Variants in CLPTM1L observed in about 807,000 individuals in gnomAD.
The protein encoded by CLPTM1L is CLPTM1 like, also known as lipid scramblase CLPTM1L.
In CLPTM1L, 38 loss-of-function variants were observed where a neutral mutation model predicts 70.9. The ratio of observed to expected loss-of-function variants is 0.54; its 90% CI spans 0.41 to 0.70. The LOEUF (loss-of-function observed/expected upper bound fraction) is 0.70. CLPTM1L is among the 30% of genes least tolerant of loss of function. The pLI is 0.00. For synonymous variants in CLPTM1L, 339 were observed against 299.9 expected (o/e 1.13, Z -1.35); for missense variants, 652 against 705.9 (o/e 0.92, Z 0.87).
intron 2 of CLPTM1L, 107 bp downstream of exon 2, chr5:1,344,244 G>A: frequency 1.3e-6 from 1 of 779,368 alleles, no homozygotes; most frequent in South Asian, 1.5e-5. Context: ...CATTCGGTAA[G>A]ACTAGTTCTC....
chr5:1,331,357 A>C lies in CLPTM1L; in HGVS notation c.976+442T>G, dbSNP rs556600845. On this transcript the variant is annotated intron_variant, in intron 8 of 16. Transcript: ENST00000320895. ...CACCACGGGCCTATTAACTGCCATC[A>C]CCTGGCAGGCCCCACACGCCCAGGC... 2.7e-5 allele frequency: 5 copies of C among 184,132 alleles called. No individual in the cohort carries two copies. The East Asian group carries it at 5.3e-4, about 20-fold the overall frequency. 11.4% of individuals were successfully genotyped at this position (184,132 alleles called of 1,614,324 possible). A position where few individuals can be genotyped will look rare whatever the true frequency, so the allele number is the denominator to read the frequency against.
intron 1 of CLPTM1L, 50 bp downstream of exon 1, chr5:1,344,630 G>T: frequency 6.5e-7 from 1 of 1,527,942 alleles, no homozygotes; most frequent in Non-Finnish European, 8.8e-7. Flanking sequence ...GGGCCTGGAG[G>T]AGAGGCCCCC....
At chr5:1,326,173 C>G (rs1167054936) in intron 9 of CLPTM1L, 1 of 300,998 alleles carries the variant, frequency 3.3e-6, no homozygotes, top group Non-Finnish European at 6.2e-6. Flanking sequence ...GCTCTGAGAG[C>G]CGCCACCTCA....
At chr5:1,343,072 T>C (rs942499433) in intron 2 of CLPTM1L, among the ~76,000 whole-genome samples, 1 of 152,110 alleles carries the variant, frequency 6.6e-6, no homozygotes, top group Non-Finnish European at 1.5e-5. Context: ...GTGCCTGTAG[T>C]CTCAGCTACT....
chr5:1,318,596 T>C lies in CLPTM1L; in HGVS notation c.1533-143A>G, dbSNP rs558593947. 3.1e-5 allele frequency: 21 copies of C among 679,478 alleles called. No individual in the cohort carries two copies. In the South Asian group the frequency reaches 3.8e-4, roughly 12 times the overall value. The allele number at this position is 679,478 out of a possible 1,614,324, so 42.1% of individuals were successfully genotyped here. The stretch of plus-strand genomic sequence containing the variant: ...TAAAAAGTCGAATCCTCAGAAGTTT[T>C]ACTGCCGAGGGCTGAGGAGGGATTT... On this transcript the variant is annotated intron_variant, in intron 16 of 16. Transcript: ENST00000320895. This position sits in a 1 kb window ranked among gnomAD's most constrained non-coding sequence, Gnocchi z 8.9.
rs1553974511 is a variant in CLPTM1L at position 1,342,009 on chromosome 5, C to CAT, written c.264-150_264-149insAT. The CAT allele has an allele frequency of 9.9e-6, 5 of 503,128 alleles. No individual in the cohort carries two copies. Among genetic ancestry groups the CAT allele is most frequent in the Admixed American group, 3.5e-5 (1 of 28,642 alleles). The allele number at this position is 503,128 out of a possible 1,614,324, so 31.2% of individuals were successfully genotyped here. ...CCCACCTGCCCAGGGCTTTACGAGT[C>CAT]GTGTGTGTGTGTGTGTGTGTGTGTG... On this transcript the variant is annotated intron_variant, in intron 2 of 16. Transcript: ENST00000320895. The surrounding 1 kb of genome is among the most constrained non-coding windows in gnomAD (Gnocchi z 4.3).
At chr5:1,324,006 G>A (rs414965) in intron 11 of CLPTM1L, 137 bp from the exon 12 acceptor site, 256,671 of 683,080 alleles carry the variant, frequency 0.38, 51,471 homozygotes, top group African/African-American at 0.49. Context: ...TCTGCAGGGG[G>A]CGGCGTGAGG....
intron 5 of CLPTM1L, 122 bp downstream of exon 5, chr5:1,337,782 G>T: frequency 1.2e-6 from 1 of 806,008 alleles, no homozygotes; most frequent in Non-Finnish European, 2.1e-6. Flanking sequence ...TCCCAGCACG[G>T]GTAAAAGCAC....
intron 10 of CLPTM1L, 34 bp from the exon 11 acceptor site, chr5:1,324,847 A>T (rs1339014407): frequency 1.1e-5 from 18 of 1,596,412 alleles, no homozygotes. Context: ...ATATTAATAG[A>T]CTCAGGGAGG....
At chr5:1,319,813 C>A (rs1017766895) in intron 16 of CLPTM1L, among the ~76,000 whole-genome samples, 1 of 152,198 alleles carries the variant, frequency 6.6e-6, no homozygotes, top group African/African-American at 2.4e-5. Context: ...CACACTCCTT[C>A]GACCCCTGGA....
In CLPTM1L at chr5:1,325,774, T is replaced by G. The variant is rs1268854908; in HGVS notation, c.1123A>C (p.Arg375=). The change falls in exon 10 of 17, where the codon AGA becomes CGA. Residue 375 remains arginine, a synonymous_variant. Transcript: ENST00000320895. ...KKALKMTIFW[R]GLMPEFQFGT... is the part of the protein sequence containing the mutation. ...ACCTGAAATTCGGGCATCAGGCCTCTCCAAAAAATAGTCATCTTCAATGCC... is the reference window on the plus strand; with the variant it reads ...ACCTGAAATTCGGGCATCAGGCCTCGCCAAAAAATAGTCATCTTCAATGCC... 1 of 1,613,880 alleles carries G rather than the reference T, an allele frequency of 6.2e-7. No homozygotes were observed. The highest frequency in any genetic ancestry group is 8.5e-7 in the Non-Finnish European group (1 of 1,179,850).
At position 1,344,815 on chromosome 5, in the gene CLPTM1L, G is replaced by A; in HGVS notation, c.27C>T (p.Thr9=). The change falls in exon 1 of 17, where the codon ACC becomes ACT. Residue 9 remains threonine (T), a synonymous_variant. Transcript: ENST00000320895. MWSGRSSF[T]SLVVGVFVVY... ...CCACGAACACGCCCACCACCAAGCTGGTGAAGGAGCTGCGGCCGCTCCACA... is the reference window on the plus strand; with the variant it reads ...CCACGAACACGCCCACCACCAAGCTAGTGAAGGAGCTGCGGCCGCTCCACA... 2 of 1,587,458 alleles carry A rather than the reference G, an allele frequency of 1.3e-6. No homozygotes were observed. Among genetic ancestry groups the A allele is most frequent in the Non-Finnish European group, 8.5e-7 (1 of 1,169,626 alleles).
chr5:1,341,063 G>A (rs968164406), intron 3 of CLPTM1L, among the ~76,000 whole-genome samples: 1 of 152,208 alleles, frequency 6.6e-6, no homozygotes, highest in Non-Finnish European at 1.5e-5. Context: ...ACTGCGCCCG[G>A]CCTTGTTTTG....
At chr5:1,336,094 G>A (rs1753560516) in intron 5 of CLPTM1L, among the ~76,000 whole-genome samples, 1 of 152,232 alleles carries the variant, frequency 6.6e-6, no homozygotes. Context: ...GCGGCTGTCA[G>A]GGCGCCCCAC....
intron 2 of CLPTM1L, 61 bp from the exon 3 acceptor site, chr5:1,341,921 T>C (rs541437676): frequency 7.5e-7 from 1 of 1,337,950 alleles, no homozygotes; most frequent in South Asian, 1.3e-5. Context: ...TAGAACCTAT[T>C]CAAATACCTT....
At position 1,318,786 on chromosome 5, in the gene CLPTM1L, C is replaced by T. The variant is rs868395507; in HGVS notation, c.1533-333G>A. On this transcript the variant is annotated intron_variant, in intron 16 of 16. Transcript: ENST00000320895. The surrounding 1 kb of genome is among the most constrained non-coding windows in gnomAD (Gnocchi z 8.9). The stretch of plus-strand genomic sequence containing the variant: ...TGGGAACGGTGGCATCACGGAGACT[C>T]GAGTGATCAGAACAGGAACCGCTGT... Among the ~76,000 whole-genome samples, 4 of 152,138 alleles carry T rather than the reference C, an allele frequency of 2.6e-5. No individual in the cohort carries two copies. Among genetic ancestry groups the T allele is most frequent in the African/African-American group, 9.7e-5 (4 of 41,422 alleles).
Position 1,342,144 on chromosome 5 carries a change from G to A in CLPTM1L, c.264-284C>T, listed in dbSNP as rs1753992039. On this transcript the variant is annotated intron_variant, in intron 2 of 16. Transcript: ENST00000320895. The surrounding 1 kb of genome is among the most constrained non-coding windows in gnomAD (Gnocchi z 4.3). ...CTGCCTCCATCTCAGGAGGCTGAGA[G>A]GTCAATAACCCACCTGAGGCCACAA... 6.6e-6 allele frequency among the ~76,000 whole-genome samples: 1 copy of A among 152,062 alleles called. No individual in the cohort carries two copies. Among genetic ancestry groups the A allele is most frequent in the Non-Finnish European group, 1.5e-5 (1 of 68,014 alleles).
At chr5:1,325,465 G>A (rs1752465311) in intron 10 of CLPTM1L, 3 of 493,166 alleles carry the variant, frequency 6.1e-6, no homozygotes, top group African/African-American at 1.9e-5. Flanking sequence ...GTGCCAAAAC[G>A]AAGCACACGT....
rs1579662901 is a variant in CLPTM1L, at chr5:1,345,018, T to C, written c.-177A>G. The stretch of plus-strand genomic sequence containing the variant: ...GCCGCAGACCGCCGGCCGCCCCGCA[T>C]GCTCCGGCCCCGCTCCCACCTGGCG... On this transcript the variant is annotated 5_prime_UTR_variant, in exon 1 of 17. An upstream start codon of the reference 5' UTR is lost. Coordinates refer to ENST00000320895, the MANE Select transcript of CLPTM1L (RefSeq NM_030782.5). 5.1e-6 allele frequency: 1 copy of C among 197,050 alleles called. No individual in the cohort carries two copies. Among genetic ancestry groups the C allele is most frequent in the Non-Finnish European group, 9.0e-6 (1 of 110,890 alleles). 12.2% of individuals were successfully genotyped at this position (197,050 alleles called of 1,614,324 possible).
Sources: allele counts gnomAD v4.1 joint callset (sites outside exome capture counted in the v4.1 genomes callset), GRCh38; gene constraint gnomAD v4.1.1; non-coding constraint Gnocchi (gnomAD v3.1); transcripts MANE v1.5; gene names NCBI Gene and HGNC (gene_info 2026-07-23, HGNC 2026-07-21).